Variants in PTPN9 observed in about 807,000 individuals in gnomAD.
PTPN9 encodes the protein protein tyrosine phosphatase non-receptor type 9.
PTPN9 carries 26 observed loss-of-function variants against 69.8 expected under a neutral mutation model. That is an observed-to-expected ratio of 0.37 (90% CI 0.27 to 0.52). The LOEUF (loss-of-function observed/expected upper bound fraction) is 0.52, where lower values mean the gene tolerates loss of function less well. PTPN9 is among the 20% of genes least tolerant of loss of function. The probability of loss-of-function intolerance (pLI) is 0.91; values close to 1 mark genes in which losing one functional copy is unlikely to be tolerated. For missense variants in PTPN9, 549 were observed against 740.3 expected, an observed-to-expected ratio of 0.74 and a Z score of 3.00; for synonymous variants, 274 against 272.5, an observed-to-expected ratio of 1.01 and a Z score of -0.05.
intron 1 of PTPN9, among the ~76,000 whole-genome samples, chr15:75,543,570 G>T (rs1213646936): frequency 2.0e-5 from 3 of 152,060 alleles, no homozygotes; most frequent in Non-Finnish European, 4.4e-5. Flanking sequence ...TTTGTTTGTT[G>T]ATCTATGCAC....
chr15:75,513,836 C>T (rs554728587), intron 5 of PTPN9, among the ~76,000 whole-genome samples: 14 of 151,974 alleles, frequency 9.2e-5, no homozygotes, highest in East Asian at 3.9e-4. Context: ...CGGTGGCTCA[C>T]GTCTTTAATC....
intron 6 of PTPN9, among the ~76,000 whole-genome samples, chr15:75,507,272 C>T (rs2074824173): frequency 6.6e-6 from 1 of 150,710 alleles, no homozygotes; most frequent in Non-Finnish European, 1.5e-5. Context: ...GGTGAAACCC[C>T]ATCTCTACTA....
At chr15:75,498,882 T>C (rs1489631764) in intron 7 of PTPN9, among the ~76,000 whole-genome samples, 1 of 152,110 alleles carries the variant, frequency 6.6e-6, no homozygotes, top group East Asian at 1.9e-4. Flanking sequence ...GTGACAAAAC[T>C]GCACAGAACT....
chr15:75,501,826 A>G (rs1054085043), intron 7 of PTPN9, among the ~76,000 whole-genome samples: 2 of 152,166 alleles, frequency 1.3e-5, no homozygotes, highest in Non-Finnish European at 2.9e-5. Context: ...GGGGCAGCCA[A>G]TTAAAACATG....
In PTPN9 at chr15:75,468,574, G is replaced by C. The variant is rs2074547705; in HGVS notation, c.*195C>G. The C allele has an allele frequency of 3.7e-6, 2 of 545,774 alleles. No homozygotes were observed. The highest frequency in any genetic ancestry group is 3.3e-6 in the Non-Finnish European group (1 of 300,876). The allele number at this position is 545,774 out of a possible 1,614,324, so 33.8% of individuals were successfully genotyped here. On this transcript the variant is annotated 3_prime_UTR_variant, in exon 13 of 13. Coordinates refer to ENST00000618819, the MANE Select transcript of PTPN9 (RefSeq NM_002833.4). Reference sequence around the variant, plus strand: ...TAGGAATTAAGAACACATTGCTACTGGCCCTTTCTAGTGGCAATTTCACCA... The same window carrying C: ...TAGGAATTAAGAACACATTGCTACTCGCCCTTTCTAGTGGCAATTTCACCA...
chr15:75,541,476 G>A (rs1440972302), intron 1 of PTPN9, among the ~76,000 whole-genome samples: 5 of 148,280 alleles, frequency 3.4e-5, no homozygotes, highest in Non-Finnish European at 6.0e-5. Flanking sequence ...GCATGATCTC[G>A]GCTCACTGCA....
intron 5 of PTPN9, among the ~76,000 whole-genome samples, chr15:75,510,642 T>C (rs1315047430): frequency 2.8e-5 from 4 of 142,070 alleles, no homozygotes; most frequent in Admixed American, 2.1e-4. Context: ...GAAAAAGTAC[T>C]TTTTTTTTTT....
At chr15:75,514,245 A>G (rs2074858539) in intron 5 of PTPN9, among the ~76,000 whole-genome samples, 1 of 151,048 alleles carries the variant, frequency 6.6e-6, no homozygotes, top group African/African-American at 2.4e-5. Flanking sequence ...TGGTAACCAC[A>G]CCCATGAAAA....
Position 75,464,922 on chromosome 15 carries a change from C to T in PTPN9, c.*3847G>A, listed in dbSNP as rs552381571. 1 of 152,106 alleles carries T rather than the reference C, an allele frequency of 6.6e-6. No individual in the cohort carries two copies. Among genetic ancestry groups the T allele is most frequent in the East Asian group, 1.9e-4 (1 of 5,164 alleles). The allele number at this position is 152,106 out of a possible 1,614,324, so 9.4% of individuals were successfully genotyped here. A position where few individuals can be genotyped will look rare whatever the true frequency, so the allele number is the denominator to read the frequency against. On this transcript the variant is annotated 3_prime_UTR_variant, in exon 13 of 13. Coordinates refer to ENST00000618819, the MANE Select transcript of PTPN9 (RefSeq NM_002833.4). ...TTCGTCTCAGGAGTCCCATCCTAGC[C>T]AATGAGGATGGGCAAGATGAAGGGA...
chr15:75,471,116 G>GA (rs1400779223), intron 10 of PTPN9, among the ~76,000 whole-genome samples: 1 of 152,164 alleles, frequency 6.6e-6, no homozygotes, highest in African/African-American at 2.4e-5. Flanking sequence ...ACATATGTGG[G>GA]ATAAATACTG....
At chr15:75,578,519 T>C (rs1041884910) in intron 1 of PTPN9, among the ~76,000 whole-genome samples, 195 bp downstream of exon 1, 6 of 151,498 alleles carry the variant, frequency 4.0e-5, no homozygotes, top group Admixed American at 1.3e-4. Context: ...GGAACGGGAG[T>C]AGGGTCCCGT....
intron 5 of PTPN9, chr15:75,512,717 CAA>C (rs994610589): frequency 4.6e-6 from 1 of 219,354 alleles, no homozygotes; most frequent in African/African-American, 2.4e-5. Flanking sequence ...GAAAAACAAA[CAA>C]ATCTTTATTG....
At chr15:75,557,923 G>A (rs541530082) in intron 1 of PTPN9, among the ~76,000 whole-genome samples, 7 of 152,234 alleles carry the variant, frequency 4.6e-5, no homozygotes, top group African/African-American at 7.2e-5. Flanking sequence ...GGCTGGGCGC[G>A]GTGGCACACA....
At chr15:75,541,445 C>T (rs60972074) in intron 1 of PTPN9, among the ~76,000 whole-genome samples, 50,716 of 147,640 alleles carry the variant, frequency 0.34, 9,683 homozygotes, top group African/African-American at 0.52. Flanking sequence ...CTCGCTCTGT[C>T]GCCCAGGCTG....
intron 8 of PTPN9, among the ~76,000 whole-genome samples, chr15:75,485,543 T>C (rs1476045322): frequency 2.0e-5 from 3 of 149,270 alleles, no homozygotes; most frequent in Non-Finnish European, 3.0e-5. Flanking sequence ...TAATTTTTTG[T>C]ATTTTTTTAG....
At chr15:75,477,488 G>A (rs1035022523) in intron 9 of PTPN9, among the ~76,000 whole-genome samples, 1 of 152,142 alleles carries the variant, frequency 6.6e-6, no homozygotes, top group African/African-American at 2.4e-5. Context: ...CCAGCTACTT[G>A]GGAGGCTGAG....
intron 1 of PTPN9, among the ~76,000 whole-genome samples, chr15:75,554,180 G>A (rs552670115): frequency 3.3e-4 from 49 of 150,368 alleles, no homozygotes; most frequent in Non-Finnish European, 5.3e-4. Flanking sequence ...CACCATGCCC[G>A]GCTGAAAAAA....
At chr15:75,503,567 G>T (rs1891726602) in intron 7 of PTPN9, among the ~76,000 whole-genome samples, 1 of 109,468 alleles carries the variant, frequency 9.1e-6, no homozygotes, top group Non-Finnish European at 2.0e-5. Context: ...CCCCCGCCCG[G>T]CCAGCCGCTC....
rs186767157 is a variant in PTPN9, at chr15:75,560,233, G to A, written c.63+18481C>T. Among the ~76,000 whole-genome samples, 461 of 152,178 alleles carry A rather than the reference G, an allele frequency of 3.0e-3. 1 individual carries two copies. Among genetic ancestry groups the A allele is most frequent in the African/African-American group, 0.01 (435 of 41,510 alleles). On this transcript the variant is annotated intron_variant, in intron 1 of 12. Transcript: ENST00000618819. ...TGGCACACACTGGCATTCAGTTTCC[G>A]GAAATGTCTAATGGTTTCTCTAGAG...
Sources: gnomAD v4.1 joint callset for allele counts (sites outside exome capture counted in the v4.1 genomes callset) on GRCh38, gnomAD v4.1.1 for gene constraint, MANE v1.5 for transcripts, NCBI Gene and HGNC (gene_info 2026-07-23, HGNC 2026-07-21) for gene names.